The following STAG1 variants were observed in gnomAD, a reference collection of about 807,000 sequenced individuals.
STAG1 encodes the protein cohesin subunit SA-1.
In STAG1, 26 loss-of-function variants were observed where a neutral mutation model predicts 170.9. The observed-to-expected ratio is 0.15, with a 90% CI of 0.11 to 0.21. The LOEUF is 0.21. Among genes scored for constraint, STAG1 ranks in the 10% least tolerant of loss-of-function variants. The pLI, the probability that STAG1 is intolerant of heterozygous loss-of-function variation, is 1.00. For synonymous variants in STAG1, 514 were observed against 497.7 expected, an observed-to-expected ratio of 1.03 and a Z score of -0.44; for missense variants, 964 against 1,509.5, an observed-to-expected ratio of 0.64 and a Z score of 5.99.
intron 5 of STAG1, among the ~76,000 whole-genome samples, chr3:136,567,236 T>C (rs1937113472): frequency 6.6e-6 from 1 of 152,256 alleles, no homozygotes. Flanking sequence ...TTAATAGGAC[T>C]ATATGAGAAA....
chr3:136,624,259 C>T (rs572409749), intron 2 of STAG1, among the ~76,000 whole-genome samples: 124 of 151,948 alleles, frequency 8.2e-4, no homozygotes, highest in African/African-American at 2.7e-3. Context: ...CCACCAGGCC[C>T]GGCTAATTTT....
intron 20 of STAG1, among the ~76,000 whole-genome samples, chr3:136,418,605 C>A (rs2087851102): frequency 1.3e-5 from 2 of 151,576 alleles, no homozygotes; most frequent in African/African-American, 4.8e-5. Flanking sequence ...ATATTCTATT[C>A]CATATATGGA....
At chr3:136,647,575 A>G (rs1941077052) in intron 1 of STAG1, among the ~76,000 whole-genome samples, 1 of 152,168 alleles carries the variant, frequency 6.6e-6, no homozygotes, top group Non-Finnish European at 1.5e-5. Flanking sequence ...GTCTCCAAGA[A>G]GAACAAAAAT....
intron 4 of STAG1, among the ~76,000 whole-genome samples, chr3:136,576,762 TAC>T (rs1553748776): frequency 6.6e-6 from 1 of 152,198 alleles, no homozygotes; most frequent in Non-Finnish European, 1.5e-5. Flanking sequence ...ATCTACATAG[TAC>T]AGAGTCCACA....
At chr3:136,422,693 GTCTATAAGA>G in intron 18 of STAG1, 66 bp downstream of exon 18, 1 of 1,517,924 alleles carries the variant, frequency 6.6e-7, no homozygotes, top group African/African-American at 1.4e-5. Context: ...CAAATAACAA[GTCTATAAGA>G]GTACATGAAA....
At chr3:136,528,319 G>C (rs988931131) in intron 6 of STAG1, among the ~76,000 whole-genome samples, 1 of 152,114 alleles carries the variant, frequency 6.6e-6, no homozygotes, top group Non-Finnish European at 1.5e-5. Flanking sequence ...CAGCCTTGCA[G>C]TTTGATCTAC....
intron 29 of STAG1, among the ~76,000 whole-genome samples, chr3:136,346,306 G>A (rs1024172485): frequency 6.6e-6 from 1 of 152,086 alleles, no homozygotes; most frequent in African/African-American, 2.4e-5. Flanking sequence ...ATAACTCCAG[G>A]GAGAACTCTC....
intron 1 of STAG1, among the ~76,000 whole-genome samples, chr3:136,703,066 CA>C (rs1157305676): frequency 0.34 from 26,073 of 75,668 alleles, 2,583 homozygotes; most frequent in African/African-American, 0.46. Context: ...GACTCCATCT[CA>C]AAAAAAAAAA....
chr3:136,682,089 C>T (rs1301853129), intron 1 of STAG1, among the ~76,000 whole-genome samples: 1 of 152,062 alleles, frequency 6.6e-6, no homozygotes, highest in African/African-American at 2.4e-5. Context: ...AAAACTATCT[C>T]TATTTGCAGA....
intron 6 of STAG1, among the ~76,000 whole-genome samples, chr3:136,535,029 A>G (rs1487208170): frequency 6.6e-6 from 1 of 152,252 alleles, no homozygotes; most frequent in African/African-American, 2.4e-5. Flanking sequence ...GGATAAAGAA[A>G]ATGCAGCATA....
chr3:136,618,533 A>G (rs1332934808), intron 3 of STAG1, among the ~76,000 whole-genome samples: 2 of 152,200 alleles, frequency 1.3e-5, no homozygotes, highest in Non-Finnish European at 2.9e-5. Context: ...TGCAAATATG[A>G]AAGTTAAATA....
chr3:136,384,876 TACAAGA>T (rs1327293798), intron 22 of STAG1, among the ~76,000 whole-genome samples: 1 of 151,714 alleles, frequency 6.6e-6, no homozygotes, highest in Non-Finnish European at 1.5e-5. Context: ...AAAAGAATAA[TACAAGA>T]ACAAGATATG....
intron 14 of STAG1, among the ~76,000 whole-genome samples, chr3:136,447,762 T>C (rs148438845): frequency 1.3e-3 from 194 of 151,814 alleles, no homozygotes; most frequent in African/African-American, 4.3e-3. Flanking sequence ...GGACTACAGG[T>C]GCCCGCCACC....
intron 7 of STAG1, among the ~76,000 whole-genome samples, chr3:136,520,007 T>C (rs555273065): frequency 5.4e-4 from 82 of 152,184 alleles, no homozygotes; most frequent in African/African-American, 1.9e-3. Flanking sequence ...GGACTGTAAC[T>C]AACAGAATAA....
At chr3:136,672,351 T>C (rs1942003680) in intron 1 of STAG1, among the ~76,000 whole-genome samples, 2 of 152,162 alleles carry the variant, frequency 1.3e-5, no homozygotes, top group Admixed American at 6.5e-5. Context: ...AAAGTGAGGG[T>C]TAAATAATAA....
Position 136,479,586 on chromosome 3 carries a change from T to C in STAG1, c.903-2174A>G, listed in dbSNP as rs1171715264. Reference sequence around the variant, plus strand: ...AGCATGATTTATAGTCCTTTGGGTATATATCCAGTAACGGGATGGCTGGGT... The same window carrying C: ...AGCATGATTTATAGTCCTTTGGGTACATATCCAGTAACGGGATGGCTGGGT... On this transcript the variant is annotated intron_variant, in intron 9 of 33. Transcript: ENST00000383202. Among the ~76,000 whole-genome samples, 2 of 64,032 alleles carry C rather than the reference T, an allele frequency of 3.1e-5. 1 individual carries two copies. The highest frequency in any genetic ancestry group is 6.9e-5 in the Non-Finnish European group (2 of 28,952). 42.0% of individuals were successfully genotyped at this position (64,032 alleles called of 152,430 possible).
chr3:136,718,555 A>T (rs1222816858), intron 1 of STAG1, among the ~76,000 whole-genome samples: 1 of 152,174 alleles, frequency 6.6e-6, no homozygotes, highest in South Asian at 2.1e-4. Context: ...GATGCTATCT[A>T]TGATTCTTCT....
At chr3:136,657,588 A>C (rs1450246838) in intron 1 of STAG1, among the ~76,000 whole-genome samples, 1 of 152,176 alleles carries the variant, frequency 6.6e-6, no homozygotes. Context: ...TTGGGAGGCT[A>C]AAGCCAGTGG....
chr3:136,684,438 C>G (rs781485421), intron 1 of STAG1, among the ~76,000 whole-genome samples: 1 of 152,102 alleles, frequency 6.6e-6, no homozygotes, highest in South Asian at 2.1e-4. Context: ...AAAAGATAGG[C>G]TTTTCAAAAA....
Sources: gnomAD v4.1 joint callset for allele counts (sites outside exome capture counted in the v4.1 genomes callset) on GRCh38, gnomAD v4.1.1 for gene constraint, MANE v1.5 for transcripts, NCBI Gene and HGNC (gene_info 2026-07-23, HGNC 2026-07-21) for gene names.